Variants in LSS observed in about 807,000 individuals in gnomAD.
LSS encodes the protein lanosterol synthase.
Under a neutral mutation model 110.3 loss-of-function variants are expected in LSS, and 90 were observed. That is an observed-to-expected ratio of 0.82 (90% CI 0.69 to 0.97). The LOEUF (loss-of-function observed/expected upper bound fraction) is 0.97. Among genes scored for constraint, LSS ranks in the 50% least tolerant of loss-of-function variants. LSS has a pLI of 0.00. For synonymous variants in LSS, 433 were observed against 400.0 expected, an observed-to-expected ratio of 1.08 and a Z score of -0.98; for missense variants, 927 against 990.0, an observed-to-expected ratio of 0.94 and a Z score of 0.85.
rs2079803521 is a variant in LSS, at chr21:46,191,012, C to G, written c.*92G>C. 9 of 1,496,354 alleles carry G rather than the reference C, an allele frequency of 6.0e-6. No homozygotes were observed. The highest frequency in any genetic ancestry group is 8.2e-6 in the Non-Finnish European group (9 of 1,094,596). 92.7% of individuals were successfully genotyped at this position (1,496,354 alleles called of 1,614,324 possible). On this transcript the variant is annotated 3_prime_UTR_variant, in exon 22 of 22. Coordinates refer to ENST00000397728, the MANE Select transcript of LSS (RefSeq NM_002340.6). ...AGATAGAGGTTGAGGGGTTGGAGCC[C>G]AAGACAGGGTTATGGGAGGGCTCCC...
intron 17 of LSS, 45 bp downstream of exon 17, chr21:46,205,791 C>A: frequency 1.3e-6 from 2 of 1,488,384 alleles, no homozygotes; most frequent in Non-Finnish European, 1.8e-6. Flanking sequence ...GGTCTTGGCC[C>A]CCGACTTGGC....
At chr21:46,225,181 C>T in intron 3 of LSS, 1 of 199,422 alleles carries the variant, frequency 5.0e-6, no homozygotes, top group South Asian at 7.6e-5. Flanking sequence ...CTCTTTATTC[C>T]AATATTATAA....
At chr21:46,202,308 G>A (rs1348095050) in intron 17 of LSS, among the ~76,000 whole-genome samples, 1 of 142,880 alleles carries the variant, frequency 7.0e-6, no homozygotes, top group Non-Finnish European at 1.5e-5. Context: ...GCAGGAGAAT[G>A]GCGTGAACCC....
At position 46,216,635 on chromosome 21, in the gene LSS, CCCA is replaced by C; in HGVS notation, c.648-114_648-112del. Reference sequence around the variant, plus strand: ...CACGAACACTGGTGGATGGCTATTCCCCACCACGTCAGTGCATCTGCGGGCATT... The same window carrying C: ...CACGAACACTGGTGGATGGCTATTCCCCACGTCAGTGCATCTGCGGGCATT... On this transcript the variant is annotated intron_variant, in intron 6 of 21. Coordinates refer to ENST00000397728, the MANE Select transcript of LSS (RefSeq NM_002340.6). The surrounding 1 kb of genome is among the most constrained non-coding windows in gnomAD (Gnocchi z 4.2). The C allele has an allele frequency of 2.3e-6, 3 of 1,316,314 alleles. No individual in the cohort carries two copies. The highest frequency in any genetic ancestry group is 3.0e-6 in the Non-Finnish European group (3 of 985,686). 81.5% of individuals were successfully genotyped at this position (1,316,314 alleles called of 1,614,324 possible). A position where few individuals can be genotyped will look rare whatever the true frequency, so the allele number is the denominator to read the frequency against.
chr21:46,203,337 T>G (rs527539628), intron 17 of LSS, among the ~76,000 whole-genome samples: 40 of 152,324 alleles, frequency 2.6e-4, no homozygotes, highest in African/African-American at 9.1e-4. Context: ...CCATTACTGC[T>G]CGTGCTGGAG....
chr21:46,204,403 G>A (rs1423506094), intron 17 of LSS, among the ~76,000 whole-genome samples: 1 of 148,862 alleles, frequency 6.7e-6, no homozygotes, highest in African/African-American at 2.5e-5. Context: ...TTTTTCAAAA[G>A]ATCAGTATAA....
chr21:46,212,836 G>A (rs554699162), intron 11 of LSS, among the ~76,000 whole-genome samples, 189 bp downstream of exon 11: 36 of 152,306 alleles, frequency 2.4e-4, no homozygotes, highest in African/African-American at 7.5e-4. Context: ...CATCGAGAAC[G>A]GTGGGCACCC....
chr21:46,225,274 A>T (rs1473669693), intron 3 of LSS: 2 of 369,026 alleles, frequency 5.4e-6, no homozygotes, highest in African/African-American at 2.1e-5. Context: ...AGAAGTGACC[A>T]GAAGACAAGA....
rs1031639470 is a variant in LSS at position 46,190,137 on chromosome 21, T to C, written c.*967A>G. ...CATACCTGCCAGCCAGCCCAGGGAGTGGTGATGGGCTGGGTGCTGGCTGTC... is the reference window on the plus strand; with the variant it reads ...CATACCTGCCAGCCAGCCCAGGGAGCGGTGATGGGCTGGGTGCTGGCTGTC... On this transcript the variant is annotated 3_prime_UTR_variant, in exon 22 of 22. Transcript: ENST00000397728. This position sits in a 1 kb window ranked among gnomAD's most constrained non-coding sequence, Gnocchi z 4.6. The C allele has an allele frequency of 2.2e-5, 5 of 228,176 alleles. No homozygotes were observed. Among genetic ancestry groups the C allele is most frequent in the Non-Finnish European group, 4.4e-5 (5 of 114,396 alleles). 14.1% of individuals were successfully genotyped at this position (228,176 alleles called of 1,614,324 possible).
In LSS at chr21:46,190,829, G is replaced by A. The variant is rs1375376618; in HGVS notation, c.*275C>T. On this transcript the variant is annotated 3_prime_UTR_variant, in exon 22 of 22. Coordinates refer to ENST00000397728, the MANE Select transcript of LSS (RefSeq NM_002340.6). The surrounding 1 kb of genome is among the most constrained non-coding windows in gnomAD (Gnocchi z 4.6). ...GCCGTGCCCAGAGGTGGCAGAAGGC[G>A]CTGTGCCTCCTCAGGGGTCACGGCT... is the stretch of plus-strand genomic sequence containing the variant. 2.2e-5 allele frequency: 10 copies of A among 460,712 alleles called. No individual in the cohort carries two copies. The highest frequency in any genetic ancestry group is 3.4e-5 in the Admixed American group (1 of 29,334). The allele number at this position is 460,712 out of a possible 1,614,324, so 28.5% of individuals were successfully genotyped here.
intron 14 of LSS, among the ~76,000 whole-genome samples, chr21:46,207,958 C>G (rs553416053): frequency 2.6e-5 from 4 of 152,252 alleles, no homozygotes; most frequent in African/African-American, 9.6e-5. Context: ...CTGCCTTCCC[C>G]GGACACACTG....
intron 17 of LSS, among the ~76,000 whole-genome samples, chr21:46,200,006 A>T (rs1213460718): frequency 6.6e-6 from 1 of 152,238 alleles, no homozygotes; most frequent in Non-Finnish European, 1.5e-5. Context: ...TACTGGGGAA[A>T]CTTGAGGGAA....
intron 3 of LSS, among the ~76,000 whole-genome samples, chr21:46,226,298 G>A (rs1046503967): frequency 3.3e-5 from 5 of 152,168 alleles, no homozygotes; most frequent in Admixed American, 2.6e-4. Context: ...GACCAAACCT[G>A]ATTCCAATCC....
At chr21:46,227,510 C>A (rs2123769209) in intron 3 of LSS, 42 bp downstream of exon 3, 1 of 1,610,648 alleles carries the variant, frequency 6.2e-7, no homozygotes, top group Non-Finnish European at 8.5e-7. Context: ...CAAGGGTGAT[C>A]CAGGGTGGCC....
At position 46,215,209 on chromosome 21, in the gene LSS, G is replaced by A. The variant is rs1276699454; in HGVS notation, c.982C>T (p.Arg328Ter). Reference sequence around the variant, plus strand: ...CCGATGCTGATGCTCTTGGTGAATCGGTCGTCGGCCACAATGTGTTCATAC... The same window carrying A: ...CCGATGCTGATGCTCTTGGTGAATCAGTCGTCGGCCACAATGTGTTCATAC... ...KLYEHIVADDRFTKSISIGPI... is the reference protein window; with the variant it reads ...KLYEHIVADD The change falls in exon 9 of 22, where the codon CGA becomes TGA. Residue 328 changes from arginine to a stop codon, truncating the protein, a stop_gained. Transcript: ENST00000397728. LOFTEE classifies it high-confidence loss of function. 6 of 1,610,870 alleles carry A rather than the reference G, an allele frequency of 3.7e-6. No homozygotes were observed. Among genetic ancestry groups the A allele is most frequent in the African/African-American group, 1.3e-5 (1 of 74,984 alleles).
intron 15 of LSS, 121 bp from the exon 16 acceptor site, chr21:46,206,889 G>T: frequency 1.3e-6 from 1 of 742,244 alleles, no homozygotes; most frequent in Non-Finnish European, 2.3e-6. Context: ...CAGGAACAGG[G>T]GGCGGAGAGC....
chr21:46,198,829 C>CAAAAAAAAAAAAAAAA (rs35148484), intron 17 of LSS, among the ~76,000 whole-genome samples: 1 of 73,452 alleles, frequency 1.4e-5, no homozygotes. Context: ...CATCCACATG[C>CAAAAAAAAAAAAAAAA]AAAAAAAAAA....
Position 46,216,670 on chromosome 21 carries a change from C to A in LSS, c.648-146G>T, listed in dbSNP as rs572782548. ...CAGTGCATCTGCGGGCATTTCCCAA[C>A]CGTGCTCCTGAGGGGCACAGTTGAA... is the stretch of plus-strand genomic sequence containing the variant. On this transcript the variant is annotated intron_variant, in intron 6 of 21. Coordinates refer to ENST00000397728, the MANE Select transcript of LSS (RefSeq NM_002340.6). The surrounding 1 kb of genome is among the most constrained non-coding windows in gnomAD (Gnocchi z 4.2). 2 of 1,098,480 alleles carry A rather than the reference C, an allele frequency of 1.8e-6. No individual in the cohort carries two copies. The highest frequency in any genetic ancestry group is 1.3e-6 in the Non-Finnish European group (1 of 793,344). 68.0% of individuals were successfully genotyped at this position (1,098,480 alleles called of 1,614,324 possible). A position where few individuals can be genotyped will look rare whatever the true frequency, so the allele number is the denominator to read the frequency against.
intron 17 of LSS, among the ~76,000 whole-genome samples, chr21:46,203,351 C>T (rs1569023029): frequency 6.6e-6 from 1 of 152,296 alleles, no homozygotes; most frequent in East Asian, 1.9e-4. Flanking sequence ...GCTGGAGGAG[C>T]GCGCTCAATG....
Sources: gnomAD v4.1 joint callset for allele counts (sites outside exome capture counted in the v4.1 genomes callset) on GRCh38, gnomAD v4.1.1 for gene constraint, Gnocchi (gnomAD v3.1) non-coding constraint, MANE v1.5 for transcripts, NCBI Gene and HGNC (gene_info 2026-07-23, HGNC 2026-07-21) for gene names.